The following SMAD3 variants were observed in gnomAD, a reference collection of about 807,000 sequenced individuals.
SMAD3 encodes the protein SMAD family member 3, also known as MAD homolog 3.
Under a neutral mutation model 51.8 loss-of-function variants are expected in SMAD3, and 12 were observed. The observed-to-expected ratio is 0.23, with a 90% CI of 0.15 to 0.38. SMAD3 has a LOEUF of 0.38. Ranked by LOEUF, SMAD3 falls within the 10% of genes least tolerant of loss-of-function variation. The pLI is 1.00. For missense variants in SMAD3, 294 were observed against 565.6 expected, an observed-to-expected ratio of 0.52 and a Z score of 4.87; for synonymous variants, 238 against 227.7, an observed-to-expected ratio of 1.05 and a Z score of -0.41.
At chr15:67,075,934 G>A (rs998110714) in intron 1 of SMAD3, among the ~76,000 whole-genome samples, 45 of 150,802 alleles carry the variant, frequency 3.0e-4, no homozygotes, top group African/African-American at 1.0e-3. Flanking sequence ...AAAAATCAAC[G>A]CAAGTGAGAT....
rs1963371786 is a variant in SMAD3, at chr15:67,191,730, A to G, written c.*1194A>G. The G allele has an allele frequency of 4.3e-6, 1 of 231,038 alleles. No homozygotes were observed. The highest frequency in any genetic ancestry group is 8.6e-6 in the Non-Finnish European group (1 of 116,706). 14.3% of individuals were successfully genotyped at this position (231,038 alleles called of 1,614,324 possible). A position where few individuals can be genotyped will look rare whatever the true frequency, so the allele number is the denominator to read the frequency against. ...GAAGGGAAACATCTCAGGCCAACAT[A>G]GGCAAATGAAAAGGGCTATTAAAAT... On this transcript the variant is annotated 3_prime_UTR_variant, in exon 9 of 9. Transcript: ENST00000327367.
intron 5 of SMAD3, among the ~76,000 whole-genome samples, chr15:67,172,344 G>A (rs1314034048): frequency 6.6e-6 from 1 of 152,254 alleles, no homozygotes; most frequent in Admixed American, 6.5e-5. Context: ...ACCTCTGCTG[G>A]GAAGATGTGA....
intron 3 of SMAD3, among the ~76,000 whole-genome samples, chr15:67,165,681 C>G (rs1243374349): frequency 6.6e-6 from 1 of 152,242 alleles, no homozygotes; most frequent in Non-Finnish European, 1.5e-5. Flanking sequence ...CACTGTTTCT[C>G]TCACCGCCCT....
At chr15:67,092,529 C>A (rs1960529059) in intron 1 of SMAD3, among the ~76,000 whole-genome samples, 1 of 152,170 alleles carries the variant, frequency 6.6e-6, no homozygotes, top group Non-Finnish European at 1.5e-5. Flanking sequence ...GAGGGCGGTC[C>A]CAGCAGTCTG....
At chr15:67,068,864 A>G (rs948141824) in intron 1 of SMAD3, among the ~76,000 whole-genome samples, 1 of 152,160 alleles carries the variant, frequency 6.6e-6, no homozygotes, top group African/African-American at 2.4e-5. Context: ...GCTAAGCCCC[A>G]TAGATTGCAG....
rs774888054 is a variant in SMAD3 at position 67,133,409 on chromosome 15, T to G, written c.207-31486T>G. ...GCCCTTTTTTTTTTTCTAGAAAAAC[T>G]TAATTGGGATTTTAAATGCATTTGG... On this transcript the variant is annotated intron_variant, in intron 1 of 8. Transcript: ENST00000327367. Among the ~76,000 whole-genome samples, 134 of 152,136 alleles carry G rather than the reference T, an allele frequency of 8.8e-4. No individual in the cohort carries two copies. In the Middle Eastern group the frequency reaches 0.01, roughly 12 times the overall value.
intron 6 of SMAD3, 89 bp from the exon 7 acceptor site, chr15:67,184,638 G>C (rs749458894): frequency 3.9e-6 from 6 of 1,520,962 alleles, no homozygotes; most frequent in South Asian, 1.1e-5. Context: ...CAGCTCTGCT[G>C]TTCTGCCTCC....
chr15:67,109,007 G>A (rs560197133), intron 1 of SMAD3, among the ~76,000 whole-genome samples: 2 of 152,208 alleles, frequency 1.3e-5, no homozygotes, highest in African/African-American at 4.8e-5. Flanking sequence ...GTTGGCTTTT[G>A]TCTCACAATT....
chr15:67,092,663 G>T (rs1365765976), intron 1 of SMAD3, among the ~76,000 whole-genome samples: 1 of 152,208 alleles, frequency 6.6e-6, no homozygotes, highest in African/African-American at 2.4e-5. Context: ...GGGTAGGAGT[G>T]GTGGAGGGAG....
At chr15:67,187,955 C>G (rs903527484) in intron 8 of SMAD3, among the ~76,000 whole-genome samples, 4 of 152,094 alleles carry the variant, frequency 2.6e-5, no homozygotes, top group Non-Finnish European at 5.9e-5. Context: ...GTTAGGTCTT[C>G]AGCTCATTGT....
chr15:67,139,637 C>G (rs540944588), intron 1 of SMAD3, among the ~76,000 whole-genome samples: 2 of 152,240 alleles, frequency 1.3e-5, no homozygotes, highest in South Asian at 4.2e-4. Flanking sequence ...ATGCCTGTGC[C>G]TTCCCCAAGC....
chr15:67,072,119 A>G (rs1397527725), intron 1 of SMAD3, among the ~76,000 whole-genome samples: 9 of 152,392 alleles, frequency 5.9e-5, no homozygotes, highest in African/African-American at 1.9e-4. Context: ...TTATCACATC[A>G]GGAATCCAAC....
chr15:67,166,388 A>C (rs1962589265), intron 3 of SMAD3: 1 of 385,894 alleles, frequency 2.6e-6, no homozygotes, highest in East Asian at 5.7e-5. Context: ...GTAGGGACCA[A>C]AGGGTGGGTC....
chr15:67,171,588 C>T (rs1764999593), intron 5 of SMAD3, among the ~76,000 whole-genome samples: 1 of 152,104 alleles, frequency 6.6e-6, no homozygotes, highest in South Asian at 2.1e-4. Flanking sequence ...TATTTCTTGG[C>T]GAATCAAAGT....
At chr15:67,097,773 A>G (rs1333364266) in intron 1 of SMAD3, among the ~76,000 whole-genome samples, 1 of 152,166 alleles carries the variant, frequency 6.6e-6, no homozygotes, top group Non-Finnish European at 1.5e-5. Context: ...GGAAGAAACA[A>G]TTCCTGTGGG....
chr15:67,094,535 G>C (rs1002650589), intron 1 of SMAD3, among the ~76,000 whole-genome samples: 1 of 152,178 alleles, frequency 6.6e-6, no homozygotes, highest in African/African-American at 2.4e-5. Context: ...AGGGCCTGCT[G>C]GAGCAGGCCC....
chr15:67,177,816 T>C (rs541439875), intron 5 of SMAD3, among the ~76,000 whole-genome samples: 17 of 152,224 alleles, frequency 1.1e-4, no homozygotes, highest in Admixed American at 9.2e-4. Flanking sequence ...GCCACTCCTC[T>C]TGCACAAGTT....
chr15:67,153,057 G>C (rs1326746608), intron 1 of SMAD3, among the ~76,000 whole-genome samples: 1 of 152,146 alleles, frequency 6.6e-6, no homozygotes, highest in Non-Finnish European at 1.5e-5. Context: ...TCCTTGCTGG[G>C]TGACTTTGGG....
At chr15:67,164,867 CTCTT>C in intron 1 of SMAD3, 24 bp from the exon 2 acceptor site, 2 of 1,610,962 alleles carry the variant, frequency 1.2e-6, no homozygotes. Context: ...ACATTTCCCT[CTCTT>C]TCTGCCCCTC....
Sources: allele counts gnomAD v4.1 joint callset (sites outside exome capture counted in the v4.1 genomes callset), GRCh38; gene constraint gnomAD v4.1.1; transcripts MANE v1.5; gene names NCBI Gene and HGNC (gene_info 2026-07-23, HGNC 2026-07-21).